The following RPH3AL variants were observed in gnomAD, a reference collection of about 807,000 sequenced individuals.
RPH3AL encodes rabphilin 3A like (without C2 domains).
A neutral mutation model predicts 43.1 loss-of-function variants in RPH3AL; 38 were observed. That is an observed-to-expected ratio of 0.88 (90% CI 0.68 to 1.15). The LOEUF is 1.15. Among genes scored for constraint, RPH3AL ranks in the 50% most tolerant of loss-of-function variants. The pLI is 0.00. For synonymous variants in RPH3AL, 189 were observed against 176.3 expected (o/e 1.07, Z -0.57); for missense variants, 462 against 423.2 (o/e 1.09, Z -0.81).
At chr17:341,550 A>C (rs1333986395) in intron 1 of RPH3AL, 1 of 152,240 alleles carries the variant, frequency 6.6e-6, no homozygotes, top group Non-Finnish European at 1.5e-5. Flanking sequence ...TGAAATTCGT[A>C]TAAGGAATGT....
At chr17:331,715 C>T (rs1385152362) in intron 2 of RPH3AL, 2 of 1,288,136 alleles carry the variant, frequency 1.6e-6, no homozygotes, top group Admixed American at 2.3e-5. Flanking sequence ...ACCCCCTTCA[C>T]CAGTGGGTAA....
intron 3 of RPH3AL, among the ~76,000 whole-genome samples, chr17:325,374 C>T (rs561426090): frequency 6.6e-6 from 1 of 152,320 alleles, no homozygotes; most frequent in African/African-American, 2.4e-5. Flanking sequence ...CCCCTGGCCC[C>T]TGCCTACCTC....
chr17:223,887 A>G (rs561145467), intron 7 of RPH3AL, among the ~76,000 whole-genome samples: 2 of 152,228 alleles, frequency 1.3e-5, no homozygotes, highest in South Asian at 2.1e-4. Context: ...CGGCCAGCAC[A>G]CAGTGGGCGT....
At chr17:285,051 G>A (rs889223020) in intron 5 of RPH3AL, among the ~76,000 whole-genome samples, 7 of 152,168 alleles carry the variant, frequency 4.6e-5, no homozygotes, top group Non-Finnish European at 4.4e-5. Context: ...CGGCTTCAAC[G>A]TAGGTATTTT....
chr17:337,170 C>T (rs962420130), intron 1 of RPH3AL, among the ~76,000 whole-genome samples: 4 of 152,124 alleles, frequency 2.6e-5, no homozygotes, highest in African/African-American at 9.6e-5. Flanking sequence ...GGCTGGAGTG[C>T]AGTGGCACAG....
Position 215,120 on chromosome 17 carries a change from T to G in RPH3AL, c.876+534A>C, listed in dbSNP as rs979243337. Among the ~76,000 whole-genome samples the G allele has an allele frequency of 6.6e-6, 1 of 152,178 alleles. No individual in the cohort carries two copies. Among genetic ancestry groups the G allele is most frequent in the Non-Finnish European group, 1.5e-5 (1 of 68,014 alleles). On this transcript the variant is annotated intron_variant, in intron 9 of 9. Coordinates refer to ENST00000331302, the MANE Select transcript of RPH3AL (RefSeq NM_006987.4). This position sits in a 1 kb window ranked among gnomAD's most constrained non-coding sequence, Gnocchi z 4.1. ...CCTCTGGCCAGGGAGGGGCCCAACC[T>G]GCCCAGGGCTTCTTTCTTGAAGGAG...
Position 322,074 on chromosome 17 carries a change from G to T in RPH3AL, c.78-659C>A, listed in dbSNP as rs190508046. 1.3e-5 allele frequency among the ~76,000 whole-genome samples: 2 copies of T among 151,942 alleles called. No individual in the cohort carries two copies. The highest frequency in any genetic ancestry group is 2.9e-5 in the Non-Finnish European group (2 of 67,996). ...CTTTGAAAACTAGCAGGTTCGAGGC[G>T]GGGGGGAAGCGAGTTACAGAAGAGG... is the stretch of plus-strand genomic sequence containing the variant. On this transcript the variant is annotated intron_variant, in intron 3 of 9. Coordinates refer to ENST00000331302, the MANE Select transcript of RPH3AL (RefSeq NM_006987.4). This position sits in a 1 kb window ranked among gnomAD's most constrained non-coding sequence, Gnocchi z 4.0.
chr17:225,978 C>T lies in RPH3AL; in HGVS notation c.614-6242G>A, dbSNP rs2041097504. On this transcript the variant is annotated intron_variant, in intron 7 of 9. Coordinates refer to ENST00000331302, the MANE Select transcript of RPH3AL (RefSeq NM_006987.4). The surrounding 1 kb of genome is among the most constrained non-coding windows in gnomAD (Gnocchi z 4.4). ...CATGGTCACAGAGTTGGGCTGGGAG[C>T]AGGCGAAAACGGCAAGACAACCGTG... Among the ~76,000 whole-genome samples, 1 of 152,244 alleles carries T rather than the reference C, an allele frequency of 6.6e-6. No individual in the cohort carries two copies. Among genetic ancestry groups the T allele is most frequent in the South Asian group, 2.1e-4 (1 of 4,836 alleles).
At chr17:244,058 C>T (rs892904344) in intron 7 of RPH3AL, among the ~76,000 whole-genome samples, 1 of 145,246 alleles carries the variant, frequency 6.9e-6, no homozygotes, top group South Asian at 2.2e-4. Context: ...ATTGATTACC[C>T]TTCCTCTATT....
chr17:346,591 T>C (rs1304276698), intron 1 of RPH3AL, among the ~76,000 whole-genome samples: 2 of 134,344 alleles, frequency 1.5e-5, no homozygotes, highest in Non-Finnish European at 3.4e-5. Flanking sequence ...CCACCGGGTC[T>C]CTCCCACAAC....
chr17:273,297 TCAGGGAGAGACCCCAGCGAGGGTGATG>T (rs2042558751), intron 6 of RPH3AL, among the ~76,000 whole-genome samples: 1 of 100,760 alleles, frequency 9.9e-6, no homozygotes, highest in African/African-American at 3.3e-5. Context: ...GAGGGTGACG[TCAGGGAGAGACCCCAGCGAGGGTGATG>T]TCAGGGAGAG....
intron 6 of RPH3AL, among the ~76,000 whole-genome samples, chr17:269,331 T>C (rs1463351204): frequency 6.6e-6 from 1 of 152,192 alleles, no homozygotes; most frequent in Non-Finnish European, 1.5e-5. Context: ...GTTCAGCATC[T>C]AGTGTATGAT....
chr17:294,834 G>A (rs1415993605), intron 5 of RPH3AL, among the ~76,000 whole-genome samples: 1 of 60,222 alleles, frequency 1.7e-5, no homozygotes, highest in Non-Finnish European at 3.8e-5. Context: ...AGAAATGGAT[G>A]GACAGAGGGA....
chr17:229,856 A>C (rs1428734172), intron 7 of RPH3AL, among the ~76,000 whole-genome samples: 1 of 152,218 alleles, frequency 6.6e-6, no homozygotes, highest in Non-Finnish European at 1.5e-5. Context: ...TCTGAGGCCC[A>C]GAGGGCCTGT....
At chr17:235,352 G>C (rs2151520328) in intron 7 of RPH3AL, among the ~76,000 whole-genome samples, 1 of 148,274 alleles carries the variant, frequency 6.7e-6, no homozygotes, top group Admixed American at 6.7e-5. Flanking sequence ...GACGGATCCA[G>C]GGTTCAAAGC....
At chr17:236,670 C>T (rs755311637) in intron 7 of RPH3AL, among the ~76,000 whole-genome samples, 6 of 152,240 alleles carry the variant, frequency 3.9e-5, no homozygotes, top group African/African-American at 7.2e-5. Flanking sequence ...CTCGCGGCCT[C>T]GCCAGCCTTC....
At chr17:278,990 A>G (rs191441738) in intron 6 of RPH3AL, among the ~76,000 whole-genome samples, 227 of 152,332 alleles carry the variant, frequency 1.5e-3, no homozygotes, top group African/African-American at 5.2e-3. Context: ...ACGAAAGGAA[A>G]GGAAGATAAG....
intron 5 of RPH3AL, among the ~76,000 whole-genome samples, chr17:295,279 C>T (rs1281049767): frequency 7.2e-6 from 1 of 138,532 alleles, no homozygotes; most frequent in Non-Finnish European, 1.5e-5. Flanking sequence ...GTGGGAGGGA[C>T]AGAGATGCTG....
intron 7 of RPH3AL, among the ~76,000 whole-genome samples, chr17:244,609 C>T (rs918339471): frequency 1.3e-5 from 2 of 152,118 alleles, no homozygotes; most frequent in African/African-American, 4.8e-5. Flanking sequence ...GGAGGAGCAG[C>T]GTCTGGTGAG....
Sources: allele counts gnomAD v4.1 joint callset (sites outside exome capture counted in the v4.1 genomes callset), GRCh38; gene constraint gnomAD v4.1.1; non-coding constraint Gnocchi (gnomAD v3.1); transcripts MANE v1.5; gene names NCBI Gene and HGNC (gene_info 2026-07-23, HGNC 2026-07-21).